Variants in KCNQ1 observed in about 807,000 individuals in gnomAD.
KCNQ1 encodes potassium voltage-gated channel subfamily KQT member 1.
In KCNQ1, 49 loss-of-function variants were observed where a neutral mutation model predicts 72.4. The observed-to-expected ratio is 0.68, with a 90% CI of 0.54 to 0.86. The LOEUF (loss-of-function observed/expected upper bound fraction) is 0.86. Among genes scored for constraint, KCNQ1 ranks in the 40% least tolerant of loss-of-function variants. The pLI is 0.00. For missense variants in KCNQ1, 790 were observed against 945.1 expected (o/e 0.84, Z 2.15); for synonymous variants, 450 against 412.6 (o/e 1.09, Z -1.10).
intron 2 of KCNQ1, among the ~76,000 whole-genome samples, chr11:2,532,435 G>A (rs1482535182): frequency 2.0e-5 from 3 of 152,192 alleles, no homozygotes; most frequent in African/African-American, 2.4e-5. Flanking sequence ...AGCACTGGCC[G>A]CGTGGAAACA....
At chr11:2,522,543 CCGAGA>C (rs1847405919) in intron 1 of KCNQ1, among the ~76,000 whole-genome samples, 1 of 152,150 alleles carries the variant, frequency 6.6e-6, no homozygotes, top group Non-Finnish European at 1.5e-5. Flanking sequence ...CCAGCTCCGC[CCGAGA>C]CAAGAATAGA....
Position 2,476,952 on chromosome 11 carries a change from G to T in KCNQ1, c.386+31468G>T, listed in dbSNP as rs910369586. On this transcript the variant is annotated intron_variant, in intron 1 of 15. Transcript: ENST00000155840. ...GATCCACCCACCTCGGCCTCCCAAAGTGCTGGGATCACAGGCATGAGCCAC... is the reference window on the plus strand; with the variant it reads ...GATCCACCCACCTCGGCCTCCCAAATTGCTGGGATCACAGGCATGAGCCAC... Among the ~76,000 whole-genome samples, 10 of 152,312 alleles carry T rather than the reference G, an allele frequency of 6.6e-5. No individual in the cohort carries two copies. The South Asian group carries it at 1.4e-3, about 22-fold the overall frequency.
At chr11:2,528,052 T>A in intron 2 of KCNQ1, 34 bp downstream of exon 2, 1 of 1,554,846 alleles carries the variant, frequency 6.4e-7, no homozygotes, top group Non-Finnish European at 8.9e-7. Context: ...CTGGATGTCA[T>A]GGCTGCCTTG....
At chr11:2,510,454 A>G (rs1847180277) in intron 1 of KCNQ1, among the ~76,000 whole-genome samples, 1 of 151,958 alleles carries the variant, frequency 6.6e-6, no homozygotes, top group Non-Finnish European at 1.5e-5. Flanking sequence ...TAAAAATACA[A>G]AAATTAGCTG....
intron 15 of KCNQ1, among the ~76,000 whole-genome samples, chr11:2,792,872 C>T (rs1173339304): frequency 6.6e-6 from 1 of 152,184 alleles, no homozygotes; most frequent in Non-Finnish European, 1.5e-5. Context: ...GGCCAGCACG[C>T]AGCCCCCTGC....
intron 6 of KCNQ1, among the ~76,000 whole-genome samples, chr11:2,582,917 G>T (rs1157524954): frequency 6.6e-6 from 1 of 152,296 alleles, no homozygotes; most frequent in East Asian, 1.9e-4. Context: ...CTCCCACCAA[G>T]AAGAAGGCTT....
At position 2,785,412 on chromosome 11, in the gene KCNQ1, G is replaced by A. The variant is rs1846892326; in HGVS notation, c.1794+7375G>A. Among the ~76,000 whole-genome samples, 1 of 151,288 alleles carries A rather than the reference G, an allele frequency of 6.6e-6. No homozygotes were observed. Among genetic ancestry groups the A allele is most frequent in the African/African-American group, 2.4e-5 (1 of 41,266 alleles). On this transcript the variant is annotated intron_variant, in intron 15 of 15. Coordinates refer to ENST00000155840, the MANE Select transcript of KCNQ1 (RefSeq NM_000218.3). This position sits in a 1 kb window ranked among gnomAD's most constrained non-coding sequence, Gnocchi z 4.4. Reference sequence around the variant, plus strand: ...CTAATATTTTGTTAAGAATGTTTGTGTCTTCAACCTAGGAAAGCTGATTGA... The same window carrying A: ...CTAATATTTTGTTAAGAATGTTTGTATCTTCAACCTAGGAAAGCTGATTGA...
intron 10 of KCNQ1, chr11:2,610,745 T>C (rs1352795948): frequency 5.6e-6 from 2 of 356,170 alleles, no homozygotes; most frequent in Non-Finnish European, 9.6e-6. Context: ...TTTTTTTTTT[T>C]ACTTTGAGCA....
At chr11:2,631,981 G>C in intron 10 of KCNQ1, 1 of 396,524 alleles carries the variant, frequency 2.5e-6, no homozygotes, top group Non-Finnish European at 4.4e-6. Flanking sequence ...AGGAGATCGA[G>C]ACCATCCTGG....
chr11:2,651,080 G>T lies in KCNQ1; in HGVS notation c.1394-10881G>T, dbSNP rs966273544. ...ACATTGTTGTCCATACCTCATTACT[G>T]GTCTCTTGATTTCCACTCTTGCTTC... On this transcript the variant is annotated intron_variant, in intron 10 of 15. Transcript: ENST00000155840. The surrounding 1 kb of genome is among the most constrained non-coding windows in gnomAD (Gnocchi z 6.1). 1 of 398,644 alleles carries T rather than the reference G, an allele frequency of 2.5e-6. No homozygotes were observed. The highest frequency in any genetic ancestry group is 4.4e-6 in the Non-Finnish European group (1 of 226,140). The allele number at this position is 398,644 out of a possible 1,614,324, so 24.7% of individuals were successfully genotyped here. A position where few individuals can be genotyped will look rare whatever the true frequency, so the allele number is the denominator to read the frequency against.
rs373793533 is a variant in KCNQ1 at position 2,793,106 on chromosome 11, C to T, written c.1794+15069C>T. On this transcript the variant is annotated intron_variant, in intron 15 of 15. Coordinates refer to ENST00000155840, the MANE Select transcript of KCNQ1 (RefSeq NM_000218.3). Reference sequence around the variant, plus strand: ...AGGAGATGCTGATGCCTGGGTGACTCATGCTACCTGGCCACCCATCCTCGC... The same window carrying T: ...AGGAGATGCTGATGCCTGGGTGACTTATGCTACCTGGCCACCCATCCTCGC... Among the ~76,000 whole-genome samples the T allele has an allele frequency of 1.9e-3, 296 of 152,348 alleles. 2 individuals carry two copies. Among genetic ancestry groups the T allele is most frequent in the African/African-American group, 6.5e-3 (270 of 41,578 alleles).
Position 2,654,833 on chromosome 11 carries a change from G to A in KCNQ1, c.1394-7128G>A, listed in dbSNP as rs1020153377. On this transcript the variant is annotated intron_variant, in intron 10 of 15. Coordinates refer to ENST00000155840, the MANE Select transcript of KCNQ1 (RefSeq NM_000218.3). The surrounding 1 kb of genome is among the most constrained non-coding windows in gnomAD (Gnocchi z 6.4). ...GACTTTCATGATAGGAGAGCTCTAT[G>A]TAGCCTCATGGGCAGCTCCAGGCCA... The A allele has an allele frequency of 3.5e-5, 14 of 398,502 alleles. No individual in the cohort carries two copies. In the Admixed American group the frequency reaches 6.2e-4, roughly 18 times the overall value. The allele number at this position is 398,502 out of a possible 1,614,324, so 24.7% of individuals were successfully genotyped here.
intron 10 of KCNQ1, chr11:2,649,839 C>T (rs1328019493): frequency 5.0e-6 from 2 of 398,336 alleles, no homozygotes; most frequent in East Asian, 3.6e-5. Flanking sequence ...CTCTTTCTCT[C>T]CCAAACTTTG....
chr11:2,778,098 C>T, intron 15 of KCNQ1, 61 bp downstream of exon 15: 1 of 1,499,854 alleles, frequency 6.7e-7, no homozygotes, highest in East Asian at 2.3e-5. Flanking sequence ...GCAGGCACCT[C>T]CCTGTGGTCT....
chr11:2,741,132 G>T (rs370257799), intron 11 of KCNQ1, among the ~76,000 whole-genome samples: 42 of 152,172 alleles, frequency 2.8e-4, no homozygotes, highest in Non-Finnish European at 2.9e-5. Flanking sequence ...TGCTGCCTCC[G>T]GGGGAAGTCA....
Position 2,647,887 on chromosome 11 carries a change from A to G in KCNQ1, c.1394-14074A>G, listed in dbSNP as rs1849690781. 1 of 398,184 alleles carries G rather than the reference A, an allele frequency of 2.5e-6. No homozygotes were observed. The highest frequency in any genetic ancestry group is 3.6e-5 in the East Asian group (1 of 28,076). 24.7% of individuals were successfully genotyped at this position (398,184 alleles called of 1,614,324 possible). ...TTTATTGGGTCTTCTTGGTTAGTCT[A>G]GCTAATGGTTTATTGATTTTCTCTT... On this transcript the variant is annotated intron_variant, in intron 10 of 15. Coordinates refer to ENST00000155840, the MANE Select transcript of KCNQ1 (RefSeq NM_000218.3). This position sits in a 1 kb window ranked among gnomAD's most constrained non-coding sequence, Gnocchi z 4.0.
chr11:2,589,341 G>A (rs973344118), intron 10 of KCNQ1, among the ~76,000 whole-genome samples: 4 of 152,184 alleles, frequency 2.6e-5, no homozygotes, highest in South Asian at 4.1e-4. Context: ...CAGGGGCCCC[G>A]AGTCTGTGCG....
Position 2,602,929 on chromosome 11 carries a change from A to G in KCNQ1, c.1393+14075A>G, listed in dbSNP as rs565248965. 8.4e-4 allele frequency among the ~76,000 whole-genome samples: 128 copies of G among 152,316 alleles called. No individual in the cohort carries two copies. Among genetic ancestry groups the G allele is most frequent in the Non-Finnish European group, 1.6e-3 (110 of 68,026 alleles). On this transcript the variant is annotated intron_variant, in intron 10 of 15. Coordinates refer to ENST00000155840, the MANE Select transcript of KCNQ1 (RefSeq NM_000218.3). The surrounding 1 kb of genome is among the most constrained non-coding windows in gnomAD (Gnocchi z 4.8). ...ACATTTTAAATTTTGATGAGATTCA[A>G]TGTTTCCTTTTTATGGATTACACTT...
chr11:2,695,435 T>C lies in KCNQ1; in HGVS notation c.1514+33354T>C, dbSNP rs1850657448. The C allele has an allele frequency of 1.0e-5, 4 of 398,696 alleles. No individual in the cohort carries two copies. Among genetic ancestry groups the C allele is most frequent in the Non-Finnish European group, 1.8e-5 (4 of 226,114 alleles). The allele number at this position is 398,696 out of a possible 1,614,324, so 24.7% of individuals were successfully genotyped here. On this transcript the variant is annotated intron_variant, in intron 11 of 15. Transcript: ENST00000155840. The surrounding 1 kb of genome is among the most constrained non-coding windows in gnomAD (Gnocchi z 5.2). Reference sequence around the variant, plus strand: ...CATGTACTGAGGCCCTCTTTCTGTTTGGCATTTGTGTCACTCAGCACTGTG... The same window carrying C: ...CATGTACTGAGGCCCTCTTTCTGTTCGGCATTTGTGTCACTCAGCACTGTG...
Sources: allele counts gnomAD v4.1 joint callset (sites outside exome capture counted in the v4.1 genomes callset), GRCh38; gene constraint gnomAD v4.1.1; non-coding constraint Gnocchi (gnomAD v3.1); transcripts MANE v1.5; gene names NCBI Gene and HGNC (gene_info 2026-07-23, HGNC 2026-07-21).